Variants in PLPP1 observed in about 807,000 individuals in gnomAD.
PLPP1 encodes the protein lipid phosphate phosphohydrolase 1a.
PLPP1 carries 24 observed loss-of-function variants against 31.2 expected under a neutral mutation model. The ratio of observed to expected loss-of-function variants is 0.77; its 90% CI spans 0.56 to 1.08. PLPP1 has a LOEUF of 1.08. PLPP1 is among the 50% of genes least tolerant of loss of function. The pLI, the probability that PLPP1 is intolerant of heterozygous loss-of-function variation, is 0.00. For missense variants in PLPP1, 319 were observed against 342.7 expected (o/e 0.93, Z 0.55); for synonymous variants, 146 against 126.3 (o/e 1.16, Z -1.05).
intron 4 of PLPP1, among the ~76,000 whole-genome samples, chr5:55,441,500 G>T (rs1235560163): frequency 6.6e-6 from 1 of 152,224 alleles, no homozygotes; most frequent in Non-Finnish European, 1.5e-5. Flanking sequence ...CCACAGCAGA[G>T]CCCAGAAGGA....
chr5:55,460,523 T>TA (rs1379559077), intron 3 of PLPP1, among the ~76,000 whole-genome samples: 7 of 152,184 alleles, frequency 4.6e-5, no homozygotes, highest in African/African-American at 1.7e-4. Context: ...AATACAAAGA[T>TA]AGTATAATGA....
At chr5:55,513,091 T>C (rs1053727982) in intron 1 of PLPP1, among the ~76,000 whole-genome samples, 3 of 152,140 alleles carry the variant, frequency 2.0e-5, no homozygotes, top group Non-Finnish European at 4.4e-5. Flanking sequence ...ATTTCTCTCT[T>C]TGAACCAACA....
In PLPP1 at chr5:55,507,449, TAAG is replaced by T. The variant is rs372499798; in HGVS notation, c.58+27120_58+27122del. 5.4e-3 allele frequency among the ~76,000 whole-genome samples: 824 copies of T among 152,216 alleles called. 4 individuals carry two copies. The highest frequency in any genetic ancestry group is 0.019 in the African/African-American group (793 of 41,518). On this transcript the variant is annotated intron_variant, in intron 1 of 5. Transcript: ENST00000307259. Reference sequence around the variant, plus strand: ...AGAAAAGAGAAAGTCAACAGCCAACTAAGAAGAAATGAACTACCAGGAAAGTAG... The same window carrying T: ...AGAAAAGAGAAAGTCAACAGCCAACTAAGAAATGAACTACCAGGAAAGTAG...
chr5:55,510,787 T>C (rs1753388342), intron 1 of PLPP1, among the ~76,000 whole-genome samples: 1 of 152,204 alleles, frequency 6.6e-6, no homozygotes, highest in Non-Finnish European at 1.5e-5. Context: ...TCCCAGTTAC[T>C]ACTTGTGGGA....
intron 4 of PLPP1, among the ~76,000 whole-genome samples, chr5:55,431,251 T>TA (rs755517484): frequency 1.3e-5 from 2 of 152,198 alleles, no homozygotes; most frequent in Admixed American, 6.6e-5. Flanking sequence ...CATGGCATAT[T>TA]ACAGTCAAAC....
intron 2 of PLPP1, among the ~76,000 whole-genome samples, chr5:55,470,242 C>G (rs1752389014): frequency 6.6e-6 from 1 of 152,202 alleles, no homozygotes; most frequent in Admixed American, 6.5e-5. Context: ...AAGAACTTAT[C>G]TAACATTTCA....
In PLPP1 at chr5:55,447,577, G is replaced by A. The variant is rs552137053; in HGVS notation, c.492-5669C>T. Among the ~76,000 whole-genome samples, 42 of 37,152 alleles carry A rather than the reference G, an allele frequency of 1.1e-3. No individual in the cohort carries two copies. In the South Asian group the frequency reaches 0.042, roughly 37 times the overall value. 24.4% of individuals were successfully genotyped at this position (37,152 alleles called of 152,430 possible). A position where few individuals can be genotyped will look rare whatever the true frequency, so the allele number is the denominator to read the frequency against. On this transcript the variant is annotated intron_variant, in intron 3 of 5. Transcript: ENST00000307259. ...CTCAGACAGGTTCAGTAACTTGCTCGAAAAGTCACGTCTCTGCAGCTCAAA... is the reference window on the plus strand; with the variant it reads ...CTCAGACAGGTTCAGTAACTTGCTCAAAAAGTCACGTCTCTGCAGCTCAAA...
intron 2 of PLPP1, among the ~76,000 whole-genome samples, chr5:55,469,446 C>T (rs969381533): frequency 1.3e-5 from 2 of 151,070 alleles, no homozygotes; most frequent in Non-Finnish European, 2.9e-5. Context: ...GCCGAGATGG[C>T]GCCACTGCAC....
At chr5:55,493,790 GA>G (rs1752946219) in intron 1 of PLPP1, among the ~76,000 whole-genome samples, 1 of 150,932 alleles carries the variant, frequency 6.6e-6, no homozygotes, top group African/African-American at 2.4e-5. Context: ...TGAGGCAGGA[GA>G]ATCACTTGAA....
intron 1 of PLPP1, among the ~76,000 whole-genome samples, chr5:55,519,685 G>A (rs958805386): frequency 7.2e-5 from 11 of 151,752 alleles, no homozygotes; most frequent in African/African-American, 1.2e-4. Context: ...GGGAGCTGGC[G>A]GTTGCAGTGA....
At chr5:55,435,706 CAA>C (rs1457500868) in intron 4 of PLPP1, among the ~76,000 whole-genome samples, 1 of 152,112 alleles carries the variant, frequency 6.6e-6, no homozygotes, top group Admixed American at 6.5e-5. Context: ...ATAGGAAAAA[CAA>C]AGATACATCA....
chr5:55,527,990 C>T (rs1326367957), intron 1 of PLPP1, among the ~76,000 whole-genome samples: 1 of 152,078 alleles, frequency 6.6e-6, no homozygotes, highest in Non-Finnish European at 1.5e-5. Context: ...AATTCATTTC[C>T]CAGAAGCACA....
intron 1 of PLPP1, among the ~76,000 whole-genome samples, chr5:55,518,455 G>A (rs771064568): frequency 7.9e-5 from 12 of 151,860 alleles, no homozygotes; most frequent in Admixed American, 2.6e-4. Flanking sequence ...GACCGCGCCC[G>A]GCCTTTTTTC....
At chr5:55,483,443 G>A (rs979153760) in intron 1 of PLPP1, among the ~76,000 whole-genome samples, 8 of 151,994 alleles carry the variant, frequency 5.3e-5, no homozygotes, top group African/African-American at 1.9e-4. Flanking sequence ...AGGCTGAGGT[G>A]GGCAGATCAC....
intron 1 of PLPP1, among the ~76,000 whole-genome samples, chr5:55,531,268 T>G (rs1317777000): frequency 6.6e-6 from 1 of 152,246 alleles, no homozygotes; most frequent in African/African-American, 2.4e-5. Context: ...TCAGATCCAC[T>G]TAAGGAACTA....
chr5:55,432,306 T>C (rs559356986), intron 4 of PLPP1, among the ~76,000 whole-genome samples: 1 of 152,186 alleles, frequency 6.6e-6, no homozygotes, highest in Non-Finnish European at 1.5e-5. Flanking sequence ...GATCAATTCC[T>C]GGATACATAC....
intron 1 of PLPP1, chr5:55,491,210 T>C (rs1752881825): frequency 7.3e-7 from 1 of 1,361,638 alleles, no homozygotes; most frequent in Admixed American, 2.4e-5. Flanking sequence ...CCTAGCCATA[T>C]TTTGCCCTCT....
chr5:55,490,887 C>A, intron 1 of PLPP1: 1 of 1,473,140 alleles, frequency 6.8e-7, no homozygotes, highest in South Asian at 1.3e-5. Flanking sequence ...GGATTTACCC[C>A]CGCCCCAACT....
At chr5:55,468,204 A>G in intron 2 of PLPP1, 55 bp from the exon 3 acceptor site, 2 of 1,424,384 alleles carry the variant, frequency 1.4e-6, no homozygotes, top group Non-Finnish European at 1.9e-6. Flanking sequence ...CACTTTAAAC[A>G]AAACAAAACA....
Sources: gnomAD v4.1 joint callset for allele counts (sites outside exome capture counted in the v4.1 genomes callset) on GRCh38, gnomAD v4.1.1 for gene constraint, MANE v1.5 for transcripts, NCBI Gene and HGNC (gene_info 2026-07-23, HGNC 2026-07-21) for gene names.